Variants in DLC1 observed in about 807,000 individuals in gnomAD.
The protein encoded by DLC1 is rho GTPase-activating protein 7.
In DLC1, 54 loss-of-function variants were observed where a neutral mutation model predicts 140.3. That is an observed-to-expected ratio of 0.38 (90% confidence interval 0.31 to 0.48). DLC1 has a LOEUF of 0.48. Among genes scored for constraint, DLC1 ranks in the 20% least tolerant of loss-of-function variants. The pLI, the probability that DLC1 is intolerant of heterozygous loss-of-function variation, is 0.96. For synonymous variants in DLC1, 986 were observed against 728.1 expected, an observed-to-expected ratio of 1.35 and a Z score of -5.70; for missense variants, 2,536 against 1,907.0, an observed-to-expected ratio of 1.33 and a Z score of -6.14.
chr8:13,148,886 A>G (rs941290785), intron 5 of DLC1, among the ~76,000 whole-genome samples: 2 of 152,036 alleles, frequency 1.3e-5, no homozygotes, highest in African/African-American at 4.8e-5. Context: ...TCCGCCTCCC[A>G]GGTTCACACC....
intron 2 of DLC1, among the ~76,000 whole-genome samples, chr8:13,497,842 C>T (rs1188899522): frequency 6.6e-6 from 1 of 152,126 alleles, no homozygotes; most frequent in Admixed American, 6.5e-5. Flanking sequence ...TGAGAGTCTG[C>T]CAGAAGCACA....
At chr8:13,184,952 T>C (rs574180253) in intron 5 of DLC1, among the ~76,000 whole-genome samples, 1 of 152,274 alleles carries the variant, frequency 6.6e-6, no homozygotes, top group African/African-American at 2.4e-5. Flanking sequence ...TGTAGGTCTG[T>C]AAGGACTTGC....
chr8:13,342,892 C>T (rs1834141439), intron 4 of DLC1: 1 of 151,356 alleles, frequency 6.6e-6, no homozygotes. Flanking sequence ...TTTTGTTTCT[C>T]TGGAGAATCC....
intron 5 of DLC1, among the ~76,000 whole-genome samples, chr8:13,134,425 C>G (rs1488953801): frequency 6.6e-6 from 1 of 151,970 alleles, no homozygotes; most frequent in African/African-American, 2.4e-5. Flanking sequence ...GTTACTTTCT[C>G]GTGGGAAAAA....
At chr8:13,152,836 A>AAAAG (rs1315789308) in intron 5 of DLC1, among the ~76,000 whole-genome samples, 2 of 150,778 alleles carry the variant, frequency 1.3e-5, no homozygotes, top group Non-Finnish European at 3.0e-5. Context: ...AAAAAAAAAA[A>AAAAG]AAAGCAACCA....
chr8:13,322,388 TTA>T (rs1360608779), intron 4 of DLC1, among the ~76,000 whole-genome samples: 1 of 152,172 alleles, frequency 6.6e-6, no homozygotes, highest in African/African-American at 2.4e-5. Flanking sequence ...ATGATAGTAT[TTA>T]TATTTGTTTG....
chr8:13,453,983 C>A (rs960385556), intron 2 of DLC1, among the ~76,000 whole-genome samples: 1 of 152,196 alleles, frequency 6.6e-6, no homozygotes, highest in East Asian at 1.9e-4. Context: ...ACTTATCTTA[C>A]TATATGTGCC....
chr8:13,565,086 T>C (rs113684675), intron 1 of DLC1, among the ~76,000 whole-genome samples: 2 of 152,194 alleles, frequency 1.3e-5, no homozygotes, highest in African/African-American at 2.4e-5. Context: ...TATAGTACTG[T>C]TGAGAAATTT....
chr8:13,432,831 G>A (rs549127026), intron 2 of DLC1, among the ~76,000 whole-genome samples: 11 of 152,184 alleles, frequency 7.2e-5, no homozygotes, highest in Middle Eastern at 6.8e-3. Context: ...ATTAGACTGC[G>A]CTGACAAGGA....
intron 7 of DLC1, among the ~76,000 whole-genome samples, chr8:13,105,129 T>C (rs1455715047): frequency 6.6e-6 from 1 of 152,060 alleles, no homozygotes; most frequent in East Asian, 1.9e-4. Context: ...TGGAGAGGGG[T>C]TTAGCCTCAC....
chr8:13,136,919 G>A (rs567573615), intron 5 of DLC1, among the ~76,000 whole-genome samples: 2 of 152,250 alleles, frequency 1.3e-5, no homozygotes, highest in Non-Finnish European at 2.9e-5. Flanking sequence ...AAAAAAGAAG[G>A]TTGTTATAGT....
chr8:13,542,431 C>T (rs1803516478), intron 1 of DLC1, among the ~76,000 whole-genome samples: 2 of 152,186 alleles, frequency 1.3e-5, no homozygotes. Flanking sequence ...AATATACCCA[C>T]AATGTCTTGA....
intron 1 of DLC1, among the ~76,000 whole-genome samples, chr8:13,521,342 C>G (rs1384072132): frequency 6.6e-6 from 1 of 151,922 alleles, no homozygotes; most frequent in African/African-American, 2.4e-5. Context: ...TGACAAACCA[C>G]CGTGGCACAC....
intron 1 of DLC1, among the ~76,000 whole-genome samples, chr8:13,571,746 G>A (rs957991437): frequency 2.6e-5 from 4 of 152,300 alleles, no homozygotes; most frequent in Admixed American, 6.5e-5. Context: ...GCTGGATCAC[G>A]TGGTAATTCT....
intron 4 of DLC1, among the ~76,000 whole-genome samples, chr8:13,380,212 C>T (rs947698570): frequency 3.9e-5 from 6 of 152,140 alleles, no homozygotes; most frequent in East Asian, 1.9e-4. Flanking sequence ...AAATAAGAAA[C>T]GAGTTAGAGT....
chr8:13,518,354 C>T (rs1333215677), upstream of DLC1, among the ~76,000 whole-genome samples: 3 of 152,192 alleles, frequency 2.0e-5, no homozygotes, highest in Non-Finnish European at 4.4e-5. Context: ...AGTGATCTGC[C>T]TGCCTCGGCC....
chr8:13,152,184 C>T (rs1297525380), intron 5 of DLC1, among the ~76,000 whole-genome samples: 2 of 152,172 alleles, frequency 1.3e-5, no homozygotes. Flanking sequence ...AGTCCAGAGC[C>T]TTCAAAAAGT....
chr8:13,551,888 G>A (rs1169340104), intron 1 of DLC1, among the ~76,000 whole-genome samples: 16 of 104,338 alleles, frequency 1.5e-4, no homozygotes, highest in Non-Finnish European at 2.8e-4. Flanking sequence ...ATATAGACAG[G>A]TATATATACA....
chr8:13,188,695 A>G (rs114726322), intron 5 of DLC1, among the ~76,000 whole-genome samples: 2,502 of 144,808 alleles, frequency 0.017, 78 homozygotes, highest in African/African-American at 0.06. Context: ...ACTTCGTCCA[A>G]CTGGGTTTCA....
Sources: gnomAD v4.1 joint callset for allele counts (sites outside exome capture counted in the v4.1 genomes callset) on GRCh38, gnomAD v4.1.1 for gene constraint, MANE v1.5 for transcripts, NCBI Gene and HGNC (gene_info 2026-07-23, HGNC 2026-07-21) for gene names.